MMP20: variants seen among roughly 807,000 people sequenced by gnomAD.
MMP20 encodes the protein matrix metalloproteinase-20.
Under a neutral mutation model 51.8 loss-of-function variants are expected in MMP20, and 50 were observed. The observed-to-expected ratio is 0.97, with a 90% CI of 0.77 to 1.22. MMP20 has a LOEUF of 1.22. MMP20 is among the 50% of genes most tolerant of loss of function. The probability of loss-of-function intolerance (pLI) is 0.00; values close to 1 mark genes in which losing one functional copy is unlikely to be tolerated. For synonymous variants in MMP20, 244 were observed against 216.2 expected, an observed-to-expected ratio of 1.13 and a Z score of -1.13; for missense variants, 663 against 601.4, an observed-to-expected ratio of 1.10 and a Z score of -1.07.
chr11:102,585,973 C>G (rs973853854), intron 8 of MMP20, among the ~76,000 whole-genome samples: 2 of 151,986 alleles, frequency 1.3e-5, no homozygotes, highest in African/African-American at 4.8e-5. Context: ...GTGTATAATT[C>G]TTTTCATACG....
At chr11:102,606,176 T>C (rs1376649690) in intron 6 of MMP20, among the ~76,000 whole-genome samples, 2 of 152,240 alleles carry the variant, frequency 1.3e-5, no homozygotes, top group African/African-American at 4.8e-5. Context: ...CAATTCAGGC[T>C]GGTGTCCTAG....
At chr11:102,608,866 A>C in intron 5 of MMP20, 71 bp downstream of exon 5, 2 of 1,491,734 alleles carry the variant, frequency 1.3e-6, no homozygotes, top group Non-Finnish European at 1.9e-6. Flanking sequence ...GATAAAATGC[A>C]CTTTCTTTAA....
intron 3 of MMP20, among the ~76,000 whole-genome samples, chr11:102,610,771 T>A (rs568786278): frequency 8.0e-4 from 122 of 151,764 alleles, no homozygotes; most frequent in East Asian, 2.3e-3. Flanking sequence ...TTTTTTTTTT[T>A]AAAAAGCCGA....
At chr11:102,601,445 T>C (rs1034464912) in intron 6 of MMP20, among the ~76,000 whole-genome samples, 1 of 152,238 alleles carries the variant, frequency 6.6e-6, no homozygotes, top group African/African-American at 2.4e-5. Flanking sequence ...GCTATTCTTA[T>C]CGTTATTATT....
chr11:102,598,312 G>A (rs1186838396), intron 6 of MMP20, among the ~76,000 whole-genome samples: 1 of 152,160 alleles, frequency 6.6e-6, no homozygotes, highest in African/African-American at 2.4e-5. Flanking sequence ...GAAAAGAACA[G>A]CTGCAGGATG....
intron 1 of MMP20, among the ~76,000 whole-genome samples, chr11:102,621,293 G>A (rs1215667347): frequency 1.3e-5 from 2 of 152,208 alleles, no homozygotes; most frequent in South Asian, 2.1e-4. Context: ...GCTGAGTCAC[G>A]CAGGATGTTT....
chr11:102,622,538 G>A (rs11225344), intron 1 of MMP20, among the ~76,000 whole-genome samples: 18,605 of 151,970 alleles, frequency 0.12, 1,331 homozygotes, highest in East Asian at 0.33. Context: ...CACTTCCTCC[G>A]AGAGGACTTC....
chr11:102,604,605 A>C (rs1328893560), intron 6 of MMP20, among the ~76,000 whole-genome samples: 2 of 152,184 alleles, frequency 1.3e-5, no homozygotes, highest in African/African-American at 4.8e-5. Context: ...TCTGCTGTGA[A>C]AGCCTGGGTT....
At chr11:102,593,065 G>C (rs912115248) in intron 8 of MMP20, among the ~76,000 whole-genome samples, 2 of 152,190 alleles carry the variant, frequency 1.3e-5, no homozygotes, top group Non-Finnish European at 2.9e-5. Context: ...CCAAATCATG[G>C]AGTATTGTGG....
At chr11:102,607,710 C>G (rs1417473757) in intron 5 of MMP20, 4 of 152,186 alleles carry the variant, frequency 2.6e-5, no homozygotes, top group Non-Finnish European at 5.9e-5. Context: ...GTCATAATAG[C>G]TGTGCCAAAA....
chr11:102,590,676 A>G (rs1784447), intron 8 of MMP20, among the ~76,000 whole-genome samples: 77,333 of 152,050 alleles, frequency 0.51, 20,277 homozygotes, highest in South Asian at 0.67. Context: ...AGACAAATAA[A>G]ACCTAACACA....
chr11:102,614,748 G>T (rs2135945266), intron 2 of MMP20, among the ~76,000 whole-genome samples: 1 of 151,772 alleles, frequency 6.6e-6, no homozygotes, highest in South Asian at 2.1e-4. Context: ...CCCCTCCTTT[G>T]ATCAAATGGA....
chr11:102,625,203 G>A lies in MMP20; in HGVS notation c.117C>T (p.Arg39=), dbSNP rs1257940531. ...GCAAAAATTCACAAACCTGTGCGAGGCGGTAGTTGTTCCTCCAGGTCCTGG... is the reference window on the plus strand; with the variant it reads ...GCAAAAATTCACAAACCTGTGCGAGACGGTAGTTGTTCCTCCAGGTCCTGG... ...ASPRTWRNNY[R]LAQAYLDKYY... Residue 39 remains arginine, a synonymous_variant, in exon 1 of 10, where the codon CGC becomes CGT. Coordinates refer to ENST00000260228, the MANE Select transcript of MMP20 (RefSeq NM_004771.4). 3 of 1,613,832 alleles carry A rather than the reference G, an allele frequency of 1.9e-6. No homozygotes were observed.
intron 8 of MMP20, among the ~76,000 whole-genome samples, chr11:102,588,569 T>A (rs1187766961): frequency 2.0e-5 from 3 of 152,218 alleles, no homozygotes; most frequent in African/African-American, 7.2e-5. Context: ...AATACAATTA[T>A]ACAATTATAT....
intron 6 of MMP20, among the ~76,000 whole-genome samples, chr11:102,595,080 C>A (rs1411083316): frequency 6.6e-6 from 1 of 152,024 alleles, no homozygotes; most frequent in Non-Finnish European, 1.5e-5. Flanking sequence ...TGCCACCATG[C>A]CTCACTAATT....
At chr11:102,601,717 A>G (rs546453219) in intron 6 of MMP20, among the ~76,000 whole-genome samples, 1 of 152,336 alleles carries the variant, frequency 6.6e-6, no homozygotes, top group African/African-American at 2.4e-5. Context: ...ACCCTGTTTT[A>G]CATCGTGTTC....
chr11:102,598,565 C>A (rs1291565569), intron 6 of MMP20, among the ~76,000 whole-genome samples: 1 of 152,172 alleles, frequency 6.6e-6, no homozygotes, highest in African/African-American at 2.4e-5. Flanking sequence ...CAACAAGTTT[C>A]ATATTCTTTA....
intron 8 of MMP20, among the ~76,000 whole-genome samples, chr11:102,581,074 G>A (rs767529193): frequency 6.6e-5 from 10 of 152,108 alleles, no homozygotes; most frequent in Non-Finnish European, 1.5e-4. Context: ...TCCGTGATCA[G>A]GAAAACGTAC....
chr11:102,611,560 A>G (rs1859599818), intron 3 of MMP20, among the ~76,000 whole-genome samples, 195 bp downstream of exon 3: 2 of 152,252 alleles, frequency 1.3e-5, no homozygotes, highest in African/African-American at 4.8e-5. Flanking sequence ...TGATGATGAC[A>G]AGACATGCTA....
Sources: gnomAD v4.1 joint callset for allele counts (sites outside exome capture counted in the v4.1 genomes callset) on GRCh38, gnomAD v4.1.1 for gene constraint, MANE v1.5 for transcripts, NCBI Gene and HGNC (gene_info 2026-07-23, HGNC 2026-07-21) for gene names.